Variants in RTEL1 observed in about 807,000 individuals in gnomAD.
The protein encoded by RTEL1 is regulator of telomere length.
RTEL1 carries 86 observed loss-of-function variants against 162.2 expected under a neutral mutation model. The observed-to-expected ratio is 0.53, with a 90% confidence interval of 0.45 to 0.63. RTEL1 has a LOEUF of 0.63. Among genes scored for constraint, RTEL1 ranks in the 30% least tolerant of loss-of-function variants. RTEL1 has a pLI of 0.00. For synonymous variants in RTEL1, 958 were observed against 717.9 expected (o/e 1.33, Z -5.35); for missense variants, 1,941 against 1,750.2 (o/e 1.11, Z -1.95).
At chr20:63,686,051 C>T in intron 16 of RTEL1, 179 bp downstream of exon 16, 1 of 649,580 alleles carries the variant, frequency 1.5e-6, no homozygotes, top group Non-Finnish European at 2.7e-6. Context: ...ATTGGAGTTA[C>T]TGAGAGACGT....
At chr20:63,662,298 T>TGGTGTTCTGTCGGGTTCC in intron 4 of RTEL1, 1 of 697,880 alleles carries the variant, frequency 1.4e-6, no homozygotes, top group Non-Finnish European at 2.5e-6. Flanking sequence ...AGCAGAGTCT[T>TGGTGTTCTGTCGGGTTCC]GGTGTTCTGT....
At chr20:63,694,631 A>T in intron 31 of RTEL1, 110 bp from the exon 32 acceptor site, 1 of 1,224,170 alleles carries the variant, frequency 8.2e-7, no homozygotes, top group South Asian at 1.4e-5. Context: ...TGCACCCCGC[A>T]GTTGTCCTGA....
chr20:63,666,138 C>T, intron 7 of RTEL1, 59 bp downstream of exon 7: 2 of 1,285,560 alleles, frequency 1.6e-6, no homozygotes, highest in Non-Finnish European at 2.2e-6. Flanking sequence ...TCTCCTGTGA[C>T]CTGTGGAGGC....
At chr20:63,692,743 G>A in intron 28 of RTEL1, 62 bp from the exon 29 acceptor site, 4 of 1,507,534 alleles carry the variant, frequency 2.7e-6, no homozygotes, top group Non-Finnish European at 3.7e-6. Context: ...GGAAGGCTCT[G>A]CAGCCCCAGG....
intron 26 of RTEL1, 23 bp downstream of exon 26, chr20:63,690,464 G>A (rs1360203837): frequency 6.5e-7 from 1 of 1,542,160 alleles, no homozygotes; most frequent in Non-Finnish European, 8.7e-7. Flanking sequence ...AGCGCTGGGT[G>A]GGCGGTGTGG....
intron 23 of RTEL1, 25 bp from the exon 24 acceptor site, chr20:63,689,725 G>A (rs750490690): frequency 8.7e-6 from 14 of 1,607,696 alleles, no homozygotes; most frequent in South Asian, 5.5e-5. Context: ...GGGAGCCCCC[G>A]TGACCGAGCC....
At chr20:63,675,151 C>T (rs1252957395) in intron 10 of RTEL1, among the ~76,000 whole-genome samples, 3 of 152,328 alleles carry the variant, frequency 2.0e-5, no homozygotes, top group Non-Finnish European at 2.9e-5. Flanking sequence ...GTGATCCACC[C>T]GCTTCGGCCT....
intron 6 of RTEL1, 51 bp from the exon 7 acceptor site, chr20:63,665,953 G>A (rs572174535): frequency 9.6e-6 from 15 of 1,564,482 alleles, no homozygotes; most frequent in Non-Finnish European, 1.3e-5. Flanking sequence ...CTGTGGTCTG[G>A]GACTTAGTGG....
intron 10 of RTEL1, among the ~76,000 whole-genome samples, chr20:63,676,883 C>G (rs190556320): frequency 6.7e-6 from 1 of 149,970 alleles, no homozygotes; most frequent in Admixed American, 6.7e-5. Flanking sequence ...TGCAGTGAGC[C>G]GAGATCGCAC....
At chr20:63,681,395 TG>T (rs1195648097) in intron 14 of RTEL1, 74 of 985,204 alleles carry the variant, frequency 7.5e-5, no homozygotes, top group Middle Eastern at 1.0e-3. Context: ...AGTCCCTGAC[TG>T]GGGAAGCCAA....
Position 63,692,962 on chromosome 20 carries a change from C to T in RTEL1, c.2810C>T (p.Pro937Leu), listed in dbSNP as rs140986557. ...DFAALAACLG[P>L]LFAEDPKKHN... ...GCCGCCCTGGCCGCCTGTCTCGGCC[C>T]CCTCTTTGCTGAGGACCCCAAGAAG... The change falls in exon 29 of 35, where the codon CCC becomes CTC. Residue 937 changes from proline (P) to leucine (L), a missense_variant. Transcript: ENST00000360203. 278 of 1,612,652 alleles carry T rather than the reference C, an allele frequency of 1.7e-4. No individual in the cohort carries two copies. In the African/African-American group the frequency reaches 2.8e-3, roughly 16 times the overall value.
chr20:63,673,812 C>T, intron 9 of RTEL1, 128 bp from the exon 10 acceptor site: 14 of 1,046,872 alleles, frequency 1.3e-5, no homozygotes, highest in Admixed American at 2.3e-5. Flanking sequence ...TTTTACAGAC[C>T]CCAGGCCAAG....
At chr20:63,659,585 A>G in intron 2 of RTEL1, 81 bp downstream of exon 2, 2 of 1,094,634 alleles carry the variant, frequency 1.8e-6, no homozygotes, top group South Asian at 2.5e-5. Flanking sequence ...CTCCCGGCCC[A>G]TTCCAGCCAG....
chr20:63,662,879 C>T lies in RTEL1; in HGVS notation c.528C>T (p.Asn176=). ...KVASRSCHFY[N]NVEEKSLEQE... ...CAAGTCGCTCCTGTCATTTCTACAA[C>T]AACGTAGAAGGTACAAGCAGCTGGG... Residue 176 remains asparagine, a synonymous_variant, in exon 6 of 35, where the codon AAC becomes AAT. Coordinates refer to ENST00000360203, the MANE Select transcript of RTEL1 (RefSeq NM_001283009.2). The T allele has an allele frequency of 6.2e-7, 1 of 1,613,932 alleles. No homozygotes were observed. Among genetic ancestry groups the T allele is most frequent in the Non-Finnish European group, 8.5e-7 (1 of 1,179,918 alleles).
rs1398939226 is a variant in RTEL1 at position 63,689,614 on chromosome 20, A to G, written c.1991A>G (p.Asp664Gly). Reference sequence around the variant, plus strand: ...GTTGTCCTCAAGATGCAGTTCCTGGATGAGATGAAGGGCCAGGGTGGGGCT... The same window carrying G: ...GTTGTCCTCAAGATGCAGTTCCTGGGTGAGATGAAGGGCCAGGGTGGGGCT... ...PRVVLKMQFL[D>G]EMKGQGGAGG... The change falls in exon 23 of 35, where the codon GAT becomes GGT. Residue 664 changes from aspartate (D) to glycine (G), a missense_variant. Asp to Gly is a moderately conservative substitution (Grantham distance 94). Coordinates refer to ENST00000360203, the MANE Select transcript of RTEL1 (RefSeq NM_001283009.2). 1 of 1,612,100 alleles carries G rather than the reference A, an allele frequency of 6.2e-7. No individual in the cohort carries two copies. Among genetic ancestry groups the G allele is most frequent in the Non-Finnish European group, 8.5e-7 (1 of 1,179,652 alleles).
At chr20:63,689,171 T>G in intron 22 of RTEL1, 39 bp downstream of exon 22, 1 of 1,579,204 alleles carries the variant, frequency 6.3e-7, no homozygotes, top group South Asian at 1.1e-5. Context: ...CCTGGTTGCC[T>G]GTTCCCTGGT....
At chr20:63,662,075 A>G (rs963308731) in intron 4 of RTEL1, 132 bp downstream of exon 4, 42 of 746,760 alleles carry the variant, frequency 5.6e-5, no homozygotes, top group Admixed American at 2.0e-4. Context: ...CGAAGTGTGC[A>G]GAGCGCTGGT....
intron 21 of RTEL1, 145 bp downstream of exon 21, chr20:63,688,750 G>T: frequency 2.8e-6 from 2 of 719,328 alleles, no homozygotes; most frequent in Non-Finnish European, 4.5e-6. Context: ...TTCCTTCCTG[G>T]CCCTGAGTGT....
chr20:63,667,750 C>T (rs2090164839), intron 8 of RTEL1, among the ~76,000 whole-genome samples, 197 bp downstream of exon 8: 1 of 152,130 alleles, frequency 6.6e-6, no homozygotes. Flanking sequence ...GGTCAGTTTT[C>T]TGAGCAGTCT....
Sources: allele counts gnomAD v4.1 joint callset (sites outside exome capture counted in the v4.1 genomes callset), GRCh38; gene constraint gnomAD v4.1.1; transcripts MANE v1.5; gene names NCBI Gene and HGNC (gene_info 2026-07-23, HGNC 2026-07-21).